The following ADAM2 variants were observed in gnomAD, a reference collection of about 807,000 sequenced individuals.
ADAM2 encodes ADAM metallopeptidase domain 2.
ADAM2 carries 101 observed loss-of-function variants against 99.3 expected under a neutral mutation model. That is an observed-to-expected ratio of 1.02 (90% CI 0.87 to 1.20). ADAM2 has a LOEUF of 1.20. Ranked by LOEUF, ADAM2 falls within the 50% of genes most tolerant of loss-of-function variation. The pLI is 0.00. For missense variants in ADAM2, 948 were observed against 878.7 expected, an observed-to-expected ratio of 1.08 and a Z score of -1.00; for synonymous variants, 323 against 287.6, an observed-to-expected ratio of 1.12 and a Z score of -1.25.
intron 6 of ADAM2, among the ~76,000 whole-genome samples, chr8:39,812,603 G>A (rs996643564): frequency 2.0e-5 from 3 of 152,168 alleles, no homozygotes; most frequent in Non-Finnish European, 4.4e-5. Flanking sequence ...ACAGATCAGA[G>A]CCCTCAGAAA....
intron 11 of ADAM2, among the ~76,000 whole-genome samples, chr8:39,771,221 T>C (rs1802769109): frequency 6.6e-6 from 1 of 152,198 alleles, no homozygotes; most frequent in Non-Finnish European, 1.5e-5. Context: ...GCATGCATGG[T>C]TCCCTTTCAT....
At chr8:39,775,979 T>C (rs1376961504) in intron 11 of ADAM2, among the ~76,000 whole-genome samples, 2 of 152,128 alleles carry the variant, frequency 1.3e-5, no homozygotes, top group Admixed American at 6.6e-5. Context: ...ATAGCAGAAC[T>C]ACAGGTCTGC....
intron 3 of ADAM2, among the ~76,000 whole-genome samples, chr8:39,831,067 T>C (rs1316029161): frequency 1.3e-5 from 2 of 152,114 alleles, no homozygotes; most frequent in African/African-American, 4.8e-5. Context: ...ATCTTGGACT[T>C]CCCAGCCTCT....
At chr8:39,759,376 T>C (rs1012601297) in intron 15 of ADAM2, among the ~76,000 whole-genome samples, 1 of 151,612 alleles carries the variant, frequency 6.6e-6, no homozygotes, top group East Asian at 1.9e-4. Context: ...GAAACACAAA[T>C]AAAAACAAAA....
intron 8 of ADAM2, 120 bp downstream of exon 8, chr8:39,788,549 A>AAAT: frequency 1.5e-6 from 1 of 682,272 alleles, no homozygotes; most frequent in Non-Finnish European, 2.3e-6. Context: ...GTAAAATTTA[A>AAAT]AATAAAACTT....
chr8:39,747,395 T>C (rs1376128252), intron 18 of ADAM2, among the ~76,000 whole-genome samples: 3 of 152,212 alleles, frequency 2.0e-5, no homozygotes, highest in Non-Finnish European at 4.4e-5. Context: ...GAGGCTGTTA[T>C]GAAATGACCA....
chr8:39,808,548 T>C (rs1487676795), intron 7 of ADAM2, among the ~76,000 whole-genome samples: 1 of 152,178 alleles, frequency 6.6e-6, no homozygotes, highest in African/African-American at 2.4e-5. Context: ...ATAATCATCC[T>C]TTTTGCAGAA....
At chr8:39,796,832 T>A (rs1379762960) in intron 7 of ADAM2, among the ~76,000 whole-genome samples, 1 of 152,224 alleles carries the variant, frequency 6.6e-6, no homozygotes, top group Non-Finnish European at 1.5e-5. Flanking sequence ...ATTGGCCAGA[T>A]AAATGTCTTC....
chr8:39,811,975 G>C (rs1026871199), intron 6 of ADAM2, among the ~76,000 whole-genome samples: 1 of 152,016 alleles, frequency 6.6e-6, no homozygotes, highest in African/African-American at 2.4e-5. Context: ...TTAGGAAGAG[G>C]GGAAGTTAAA....
chr8:39,757,702 T>C (rs1802202674), intron 15 of ADAM2, among the ~76,000 whole-genome samples: 1 of 152,164 alleles, frequency 6.6e-6, no homozygotes, highest in Admixed American at 6.5e-5. Flanking sequence ...GCTTTATAGT[T>C]TGAGTCCAGC....
intron 7 of ADAM2, among the ~76,000 whole-genome samples, chr8:39,795,236 C>A (rs1261837389): frequency 6.6e-6 from 1 of 152,090 alleles, no homozygotes; most frequent in Non-Finnish European, 1.5e-5. Context: ...ATCTGAATGA[C>A]CCCTCCTCTT....
chr8:39,831,096 T>A (rs1481489422), intron 3 of ADAM2, among the ~76,000 whole-genome samples: 1 of 152,126 alleles, frequency 6.6e-6, no homozygotes, highest in Non-Finnish European at 1.5e-5. Flanking sequence ...AAGAAATAAA[T>A]CTCTGTTATT....
chr8:39,746,752 A>T (rs1273900332), intron 18 of ADAM2, 121 bp from the exon 19 acceptor site: 4 of 793,538 alleles, frequency 5.0e-6, no homozygotes, highest in Non-Finnish European at 5.7e-6. Context: ...TTAAAAATTA[A>T]CATATTTTCT....
chr8:39,753,087 G>A (rs1022253900), intron 16 of ADAM2, among the ~76,000 whole-genome samples: 2 of 152,152 alleles, frequency 1.3e-5, no homozygotes, highest in African/African-American at 4.8e-5. Flanking sequence ...CATTTGGAGG[G>A]CTAAGAAGAA....
At chr8:39,760,689 C>G (rs540441663) in intron 15 of ADAM2, among the ~76,000 whole-genome samples, 60 of 151,652 alleles carry the variant, frequency 4.0e-4, no homozygotes, top group African/African-American at 1.0e-3. Flanking sequence ...CCACGGCACT[C>G]CAGCCTGGGG....
chr8:39,817,763 A>T (rs1195044106), intron 6 of ADAM2: 2 of 152,048 alleles, frequency 1.3e-5, no homozygotes, highest in Non-Finnish European at 2.9e-5. Flanking sequence ...TAATAAAATC[A>T]GAAATGAAAA....
intron 7 of ADAM2, among the ~76,000 whole-genome samples, chr8:39,797,486 C>T (rs75101207): frequency 1.2e-3 from 183 of 152,268 alleles, no homozygotes; most frequent in Non-Finnish European, 2.2e-3. Context: ...TAGCTTGATG[C>T]CTCCAGCTTT....
At chr8:39,806,737 A>C (rs995937030) in intron 7 of ADAM2, among the ~76,000 whole-genome samples, 2 of 152,140 alleles carry the variant, frequency 1.3e-5, no homozygotes, top group African/African-American at 4.8e-5. Flanking sequence ...CAAAAGTTGA[A>C]GATTTGGAGA....
chr8:39,771,600 C>T (rs1802781907), intron 11 of ADAM2, among the ~76,000 whole-genome samples: 1 of 152,046 alleles, frequency 6.6e-6, no homozygotes, highest in Non-Finnish European at 1.5e-5. Flanking sequence ...GTATCAAACT[C>T]TAGTCATTTG....
Sources: gnomAD v4.1 joint callset for allele counts (sites outside exome capture counted in the v4.1 genomes callset) on GRCh38, gnomAD v4.1.1 for gene constraint, MANE v1.5 for transcripts, NCBI Gene and HGNC (gene_info 2026-07-23, HGNC 2026-07-21) for gene names.